ADAMTS20: variants seen among roughly 807,000 people sequenced by gnomAD.
ADAMTS20 encodes A disintegrin and metalloproteinase with thrombospondin motifs 20.
In ADAMTS20, 225 loss-of-function variants were observed where a neutral mutation model predicts 260.1. That is an observed-to-expected ratio of 0.87 (90% confidence interval 0.78 to 0.97). The LOEUF is 0.97. ADAMTS20 is among the 50% of genes least tolerant of loss of function. The pLI is 0.00. For synonymous variants in ADAMTS20, 802 were observed against 769.5 expected, an observed-to-expected ratio of 1.04 and a Z score of -0.70; for missense variants, 2,400 against 2,337.7, an observed-to-expected ratio of 1.03 and a Z score of -0.55.
At chr12:43,493,650 G>A (rs1383155331) in intron 4 of ADAMTS20, among the ~76,000 whole-genome samples, 1 of 152,178 alleles carries the variant, frequency 6.6e-6, no homozygotes, top group African/African-American at 2.4e-5. Flanking sequence ...TGGAACTGCT[G>A]TTATGGATGA....
intron 7 of ADAMTS20, among the ~76,000 whole-genome samples, chr12:43,480,212 C>T (rs1192282324): frequency 6.6e-6 from 1 of 151,956 alleles, no homozygotes; most frequent in Admixed American, 6.6e-5. Context: ...GTGAATGAAA[C>T]CTTATAATCA....
intron 28 of ADAMTS20, 58 bp from the exon 29 acceptor site, chr12:43,399,291 T>G: frequency 7.6e-7 from 1 of 1,309,978 alleles, no homozygotes; most frequent in Non-Finnish European, 1.0e-6. Flanking sequence ...TTTAAGCTTA[T>G]CTTAAAGAAG....
intron 10 of ADAMTS20, 146 bp downstream of exon 10, chr12:43,464,445 C>T (rs1175294482): frequency 9.8e-7 from 1 of 1,023,712 alleles, no homozygotes; most frequent in African/African-American, 1.6e-5. Flanking sequence ...TTTTAATTTT[C>T]CTTTTCTTAA....
In ADAMTS20 at chr12:43,428,479, T is replaced by C. The variant is rs1164764784; in HGVS notation, c.3707A>G (p.Asn1236Ser). The change falls in exon 26 of 39, where the codon AAC (asparagine) becomes AGC (serine). Residue 1236 changes from asparagine to serine, a missense_variant. Physicochemically the swap from Asn to Ser is conservative, Grantham distance 46 (BLOSUM62 1). Transcript: ENST00000389420. ...GKTTRQVLCM[N>S]YHQPIDENYC... ...ATTCTCATCAATTGGCTGATGGTAGTTCATGCATAAAACTTGTCGAGTTGT... is the reference window on the plus strand; with the variant it reads ...ATTCTCATCAATTGGCTGATGGTAGCTCATGCATAAAACTTGTCGAGTTGT... The C allele has an allele frequency of 1.2e-6, 2 of 1,613,780 alleles. No individual in the cohort carries two copies. Among genetic ancestry groups the C allele is most frequent in the African/African-American group, 2.7e-5 (2 of 74,916 alleles).
intron 3 of ADAMTS20, among the ~76,000 whole-genome samples, chr12:43,527,208 A>T (rs1943154949): frequency 6.6e-6 from 1 of 152,186 alleles, no homozygotes; most frequent in African/African-American, 2.4e-5. Context: ...AACAATTGCA[A>T]ACAACGACAA....
intron 14 of ADAMTS20, among the ~76,000 whole-genome samples, chr12:43,450,415 T>C (rs146656105): frequency 6.6e-6 from 1 of 152,320 alleles, no homozygotes; most frequent in Non-Finnish European, 1.5e-5. Context: ...GCATATATTT[T>C]CTGAAAGTAG....
chr12:43,521,704 A>T (rs1370284462), intron 3 of ADAMTS20, among the ~76,000 whole-genome samples: 2 of 151,724 alleles, frequency 1.3e-5, no homozygotes, highest in African/African-American at 4.8e-5. Context: ...TCTGCTTTAA[A>T]TTTTTTTTTG....
Position 43,427,333 on chromosome 12 carries a change from T to C in ADAMTS20, c.4082A>G (p.Gln1361Arg). The change falls in exon 27 of 39, where the codon CAG becomes CGG. Residue 1361 changes from glutamine to arginine, a missense_variant. Gln to Arg is a conservative substitution (Grantham distance 43). Transcript: ENST00000389420. ...TTCTCCCCAATTTCCGTAGTTCCAC[T>C]GTGGACAAGGCCCTGGACCACATTG... ...LQQCGPGPCP[Q>R]WNYGNWGECS... is the part of the protein sequence containing the mutation. 6.2e-7 allele frequency: 1 copy of C among 1,613,560 alleles called. No homozygotes were observed. Among genetic ancestry groups the C allele is most frequent in the African/African-American group, 1.3e-5 (1 of 75,040 alleles).
rs185691097 is a variant in ADAMTS20, at chr12:43,534,900, G to A, written c.454-2705C>T. ...TGTAGGATGGACTAGGTATGGCATC[G>A]TGCTTCCAACATGCTGTCCCTCTAC... On this transcript the variant is annotated intron_variant, in intron 2 of 38. Coordinates refer to ENST00000389420, the MANE Select transcript of ADAMTS20 (RefSeq NM_025003.5). 3.4e-4 allele frequency among the ~76,000 whole-genome samples: 52 copies of A among 152,148 alleles called. No homozygotes were observed. In the South Asian group the frequency reaches 9.8e-3, roughly 29 times the overall value.
At chr12:43,371,581 T>C (rs553162712) in intron 36 of ADAMTS20, among the ~76,000 whole-genome samples, 1 of 152,216 alleles carries the variant, frequency 6.6e-6, no homozygotes, top group Admixed American at 6.5e-5. Flanking sequence ...AGAAGATAAA[T>C]TTCAGCAGAG....
intron 31 of ADAMTS20, among the ~76,000 whole-genome samples, chr12:43,382,769 G>A (rs780461694): frequency 1.2e-4 from 18 of 151,838 alleles, no homozygotes; most frequent in Non-Finnish European, 2.2e-4. Context: ...GTAGAGATAT[G>A]GAAGATATAA....
chr12:43,492,415 A>C lies in ADAMTS20; in HGVS notation c.1076+90T>G. The C allele has an allele frequency of 1.4e-6, 2 of 1,458,054 alleles. 1 individual carries two copies. Among genetic ancestry groups the C allele is most frequent in the South Asian group, 2.7e-5 (2 of 74,820 alleles). 90.3% of individuals were successfully genotyped at this position (1,458,054 alleles called of 1,614,324 possible). A position where few individuals can be genotyped will look rare whatever the true frequency, so the allele number is the denominator to read the frequency against. ...GAAAAAGAAAAAGAAAAACAAAAAC[A>C]AAACAAAAAAAAGAATTAAGAAGAA... On this transcript the variant is annotated intron_variant, in intron 6 of 38. Coordinates refer to ENST00000389420, the MANE Select transcript of ADAMTS20 (RefSeq NM_025003.5).
chr12:43,411,513 G>A (rs746917138), intron 28 of ADAMTS20, among the ~76,000 whole-genome samples: 14 of 151,798 alleles, frequency 9.2e-5, no homozygotes, highest in Non-Finnish European at 1.8e-4. Context: ...GATTACAGGC[G>A]CCCACCACCA....
chr12:43,514,843 A>T (rs1264426556), intron 3 of ADAMTS20, among the ~76,000 whole-genome samples: 2 of 152,230 alleles, frequency 1.3e-5, no homozygotes, highest in Non-Finnish European at 2.9e-5. Context: ...TTCTTTAAAG[A>T]AAAACCATGT....
intron 3 of ADAMTS20, among the ~76,000 whole-genome samples, chr12:43,515,546 A>G (rs756356434): frequency 6.6e-6 from 1 of 152,208 alleles, no homozygotes; most frequent in Non-Finnish European, 1.5e-5. Flanking sequence ...CAGCATTCTC[A>G]TATGAAATGT....
intron 7 of ADAMTS20, among the ~76,000 whole-genome samples, chr12:43,480,983 AAGAT>A (rs1468076536): frequency 1.3e-5 from 2 of 152,182 alleles, no homozygotes; most frequent in Non-Finnish European, 2.9e-5. Flanking sequence ...AAAAAAGAAT[AAGAT>A]AATAGGTTTG....
At chr12:43,484,747 A>G (rs1286123286) in intron 7 of ADAMTS20, among the ~76,000 whole-genome samples, 1 of 152,176 alleles carries the variant, frequency 6.6e-6, no homozygotes, top group Non-Finnish European at 1.5e-5. Context: ...AGAAAAATCA[A>G]AAAGTTTGTA....
intron 37 of ADAMTS20, among the ~76,000 whole-genome samples, chr12:43,359,875 A>G (rs1220068541): frequency 6.6e-6 from 1 of 152,220 alleles, no homozygotes; most frequent in Non-Finnish European, 1.5e-5. Flanking sequence ...AAAGCATAAA[A>G]CTATAAAAAG....
chr12:43,518,789 C>T (rs375082967), intron 3 of ADAMTS20, among the ~76,000 whole-genome samples: 13 of 138,666 alleles, frequency 9.4e-5, no homozygotes, highest in Middle Eastern at 4.2e-3. Flanking sequence ...TCTTAGTAAA[C>T]GAGAACTCCA....
Sources: gnomAD v4.1 joint callset for allele counts (sites outside exome capture counted in the v4.1 genomes callset) on GRCh38, gnomAD v4.1.1 for gene constraint, MANE v1.5 for transcripts, NCBI Gene and HGNC (gene_info 2026-07-23, HGNC 2026-07-21) for gene names.